The following EDIL3 variants were observed in gnomAD, a reference collection of about 807,000 sequenced individuals.
EDIL3 encodes the protein EGF-like repeat and discoidin I-like domain-containing protein 3.
Under a neutral mutation model 67.4 loss-of-function variants are expected in EDIL3, and 37 were observed. The ratio of observed to expected loss-of-function variants is 0.55; its 90% CI spans 0.42 to 0.72. The LOEUF (loss-of-function observed/expected upper bound fraction) is 0.72. Ranked by LOEUF, EDIL3 falls within the 30% of genes least tolerant of loss-of-function variation. The probability of loss-of-function intolerance (pLI) is 0.00; values close to 1 mark genes in which losing one functional copy is unlikely to be tolerated. For synonymous variants in EDIL3, 195 were observed against 196.3 expected (o/e 0.99, Z 0.05); for missense variants, 527 against 586.3 (o/e 0.90, Z 1.04).
At chr5:84,119,308 G>A (rs547100886) in intron 5 of EDIL3, among the ~76,000 whole-genome samples, 8 of 129,680 alleles carry the variant, frequency 6.2e-5, no homozygotes, top group East Asian at 4.9e-4. Context: ...AATAAAAAAC[G>A]TGAATACATA....
intron 3 of EDIL3, among the ~76,000 whole-genome samples, chr5:84,210,866 C>T (rs1744103834): frequency 6.6e-6 from 1 of 152,150 alleles, no homozygotes; most frequent in Admixed American, 6.5e-5. Context: ...ATTCCACCAT[C>T]CTTATGAATA....
At chr5:84,229,649 T>A (rs894922889) in intron 3 of EDIL3, among the ~76,000 whole-genome samples, 1 of 152,164 alleles carries the variant, frequency 6.6e-6, no homozygotes, top group African/African-American at 2.4e-5. Context: ...GTTTCAAGAC[T>A]TTTCTCCTTT....
At chr5:84,074,605 C>T (rs1431456102) in intron 6 of EDIL3, among the ~76,000 whole-genome samples, 3 of 151,638 alleles carry the variant, frequency 2.0e-5, no homozygotes, top group African/African-American at 4.8e-5. Flanking sequence ...AAAATGCTCA[C>T]CATCACTGGC....
At chr5:84,109,351 C>T (rs1747518845) in intron 5 of EDIL3, among the ~76,000 whole-genome samples, 2 of 152,024 alleles carry the variant, frequency 1.3e-5, no homozygotes, top group African/African-American at 2.4e-5. Flanking sequence ...ACTGAAAATA[C>T]AAAAATTACC....
chr5:83,960,736 T>A (rs1473266649), intron 10 of EDIL3, among the ~76,000 whole-genome samples: 2 of 150,920 alleles, frequency 1.3e-5, no homozygotes, highest in African/African-American at 4.8e-5. Context: ...TGGCTGATGA[T>A]TCAATAAACA....
chr5:84,248,533 C>G (rs924879249), intron 2 of EDIL3, among the ~76,000 whole-genome samples: 5 of 152,194 alleles, frequency 3.3e-5, no homozygotes, highest in Non-Finnish European at 7.3e-5. Flanking sequence ...TGTTTCTAGA[C>G]AGACTCATCC....
At chr5:84,131,370 G>A (rs898260751) in intron 5 of EDIL3, among the ~76,000 whole-genome samples, 4 of 152,052 alleles carry the variant, frequency 2.6e-5, no homozygotes, top group Non-Finnish European at 1.5e-5. Context: ...CTATTTGAAT[G>A]TAAAGCCTGC....
chr5:84,159,683 CAT>C (rs1748568973), intron 4 of EDIL3, among the ~76,000 whole-genome samples: 1 of 151,668 alleles, frequency 6.6e-6, no homozygotes, highest in African/African-American at 2.4e-5. Flanking sequence ...ATATAGGAAA[CAT>C]AAATTTTAAA....
chr5:84,329,869 G>C (rs188647392), intron 1 of EDIL3, among the ~76,000 whole-genome samples: 294 of 151,996 alleles, frequency 1.9e-3, no homozygotes, highest in African/African-American at 6.6e-3. Context: ...TCCTTGCACA[G>C]AAGAAAAAAT....
chr5:84,252,535 AT>A, intron 2 of EDIL3, among the ~76,000 whole-genome samples: 1 of 147,458 alleles, frequency 6.8e-6, no homozygotes. Context: ...TAAGATACTG[AT>A]TTCTTAATCA....
chr5:84,283,053 C>A (rs1032438127), intron 1 of EDIL3, among the ~76,000 whole-genome samples: 1 of 151,024 alleles, frequency 6.6e-6, no homozygotes, highest in Non-Finnish European at 1.5e-5. Flanking sequence ...TTTTTTTTAA[C>A]CAACGTTACT....
intron 9 of EDIL3, among the ~76,000 whole-genome samples, chr5:83,973,263 C>A (rs1744822844): frequency 6.6e-6 from 1 of 151,932 alleles, no homozygotes; most frequent in African/African-American, 2.4e-5. Flanking sequence ...TTGATAGGGT[C>A]ATTATTAATT....
chr5:84,201,775 G>A (rs137868558), intron 3 of EDIL3, among the ~76,000 whole-genome samples: 31 of 152,156 alleles, frequency 2.0e-4, no homozygotes, highest in South Asian at 8.3e-4. Context: ...CTGCGAAATA[G>A]AATAGTATAT....
chr5:83,959,743 T>C (rs1353934934), intron 10 of EDIL3, among the ~76,000 whole-genome samples: 1 of 150,816 alleles, frequency 6.6e-6, no homozygotes, highest in Non-Finnish European at 1.5e-5. Flanking sequence ...CTAAGTAGTA[T>C]TGAGCCCTTT....
At chr5:84,303,850 T>TGTGTGTTTG (rs34555925) in intron 1 of EDIL3, among the ~76,000 whole-genome samples, 85 of 99,188 alleles carry the variant, frequency 8.6e-4, no homozygotes, top group African/African-American at 3.0e-3. Flanking sequence ...GTGTGTGTGT[T>TGTGTGTTTG]TGTGTGTGTG....
At chr5:84,254,657 GC>G (rs1342789500) in intron 1 of EDIL3, among the ~76,000 whole-genome samples, 1 of 152,118 alleles carries the variant, frequency 6.6e-6, no homozygotes, top group Non-Finnish European at 1.5e-5. Flanking sequence ...ACTTGCTTTG[GC>G]CAGTAGGTCG....
intron 1 of EDIL3, among the ~76,000 whole-genome samples, chr5:84,332,162 A>C (rs1746885252): frequency 6.6e-6 from 1 of 152,088 alleles, no homozygotes; most frequent in African/African-American, 2.4e-5. Flanking sequence ...TGAGGCTAGA[A>C]GTTTGAGACC....
intron 9 of EDIL3, among the ~76,000 whole-genome samples, chr5:83,979,459 T>C (rs1744928418): frequency 6.6e-6 from 1 of 152,086 alleles, no homozygotes; most frequent in Admixed American, 6.6e-5. Flanking sequence ...ATAATAAACT[T>C]ATCTGTAGCA....
At chr5:84,271,806 C>G (rs1745477563) in intron 1 of EDIL3, among the ~76,000 whole-genome samples, 1 of 151,978 alleles carries the variant, frequency 6.6e-6, no homozygotes, top group Admixed American at 6.6e-5. Flanking sequence ...AAAAGCATTT[C>G]CAGGGTCAAT....
Sources: allele counts gnomAD v4.1 joint callset (sites outside exome capture counted in the v4.1 genomes callset), GRCh38; gene constraint gnomAD v4.1.1; transcripts MANE v1.5; gene names NCBI Gene and HGNC (gene_info 2026-07-23, HGNC 2026-07-21).